FGF14: variants seen among roughly 807,000 people sequenced by gnomAD.
FGF14 encodes fibroblast growth factor homologous factor 4.
In FGF14, 5 loss-of-function variants were observed where a neutral mutation model predicts 25.5. The ratio of observed to expected loss-of-function variants is 0.20; its 90% CI spans 0.10 to 0.41. FGF14 has a LOEUF of 0.41. Ranked by LOEUF, FGF14 falls within the 10% of genes least tolerant of loss-of-function variation. The pLI is 1.00. For synonymous variants in FGF14, 138 were observed against 118.3 expected (o/e 1.17, Z -1.08); for missense variants, 222 against 320.1 (o/e 0.69, Z 2.34).
chr13:101,742,297 C>T (rs901742227), intron 3 of FGF14, among the ~76,000 whole-genome samples: 1 of 152,102 alleles, frequency 6.6e-6, no homozygotes, highest in African/African-American at 2.4e-5. Context: ...CAAACCTGCA[C>T]GTTCTGCACA....
intron 3 of FGF14, among the ~76,000 whole-genome samples, chr13:101,758,451 T>G (rs2037797631): frequency 6.6e-6 from 1 of 152,160 alleles, no homozygotes; most frequent in Non-Finnish European, 1.5e-5. Context: ...CAAATATGGC[T>G]TTTGCTAGCA....
At chr13:102,004,578 A>G (rs1237970845) in intron 1 of FGF14, among the ~76,000 whole-genome samples, 2 of 152,176 alleles carry the variant, frequency 1.3e-5, no homozygotes, top group Non-Finnish European at 2.9e-5. Flanking sequence ...GCACCAATGA[A>G]CCTGATTACT....
chr13:101,813,885 CA>C (rs1161714375), intron 3 of FGF14, among the ~76,000 whole-genome samples: 1 of 152,046 alleles, frequency 6.6e-6, no homozygotes, highest in Admixed American at 6.5e-5. Context: ...TTCGAGGAAC[CA>C]AAACAATCAT....
intron 3 of FGF14, among the ~76,000 whole-genome samples, chr13:101,744,920 T>G (rs1332290882): frequency 6.6e-6 from 1 of 152,030 alleles, no homozygotes; most frequent in Non-Finnish European, 1.5e-5. Flanking sequence ...CTCAAAGACC[T>G]TATATTTCAG....
intron 1 of FGF14, among the ~76,000 whole-genome samples, chr13:102,175,003 A>G (rs778118407): frequency 1.4e-4 from 22 of 152,200 alleles, no homozygotes; most frequent in Non-Finnish European, 1.6e-4. Flanking sequence ...GGAAGAATCA[A>G]TATTGTTAAA....
chr13:102,118,745 T>C (rs1186718628), intron 1 of FGF14, among the ~76,000 whole-genome samples: 1 of 152,050 alleles, frequency 6.6e-6, no homozygotes, highest in Non-Finnish European at 1.5e-5. Flanking sequence ...ATACATACAA[T>C]TTTATGTCAC....
intron 1 of FGF14, among the ~76,000 whole-genome samples, chr13:102,091,867 T>A (rs1300947591): frequency 6.6e-6 from 1 of 152,206 alleles, no homozygotes; most frequent in Non-Finnish European, 1.5e-5. Flanking sequence ...ATCTTCTCTG[T>A]TCAAATAGCT....
chr13:102,086,390 C>T (rs1014523930), intron 1 of FGF14, among the ~76,000 whole-genome samples: 5 of 151,866 alleles, frequency 3.3e-5, no homozygotes, highest in Non-Finnish European at 7.4e-5. Flanking sequence ...ATTAGCCGGG[C>T]GTGGTGGCGG....
At chr13:102,401,865 A>G, upstream of FGF14, 2 of 624,296 alleles carry the variant, frequency 3.2e-6, no homozygotes, top group South Asian at 3.8e-5. Context: ...CAAACAGAAA[A>G]GCAAAGAGAT....
intron 1 of FGF14, among the ~76,000 whole-genome samples, chr13:102,368,688 A>G (rs970228514): frequency 2.6e-5 from 4 of 152,204 alleles, no homozygotes; most frequent in Non-Finnish European, 5.9e-5. Flanking sequence ...TAATGCCATG[A>G]TTTCATTTCA....
At chr13:102,370,858 G>A (rs1411482804) in intron 1 of FGF14, among the ~76,000 whole-genome samples, 1 of 151,462 alleles carries the variant, frequency 6.6e-6, no homozygotes, top group African/African-American at 2.4e-5. Context: ...ATGACCTTAA[G>A]GCCTTAAGGA....
rs1016371618 is a variant in FGF14, at chr13:102,357,049, G to A, written c.208+44422C>T. ...ACTATTGCTAGGAAGTGGTGGAGGAGCAGGGACTAGTGTACATTCTAAATC... is the reference window on the plus strand; with the variant it reads ...ACTATTGCTAGGAAGTGGTGGAGGAACAGGGACTAGTGTACATTCTAAATC... On this transcript the variant is annotated intron_variant, in intron 1 of 4. Coordinates refer to the FGF14 transcript ENST00000376131. Among the ~76,000 whole-genome samples, 13 of 151,234 alleles carry A rather than the reference G, an allele frequency of 8.6e-5. 1 individual carries two copies. The highest frequency in any genetic ancestry group is 2.9e-4 in the African/African-American group (12 of 41,188).
In FGF14 at chr13:101,991,013, T is replaced by TGGAGC. The variant is rs2038871228; in HGVS notation, c.209-115718_209-115717insGCTCC. 3.3e-5 allele frequency among the ~76,000 whole-genome samples: 5 copies of TGGAGC among 152,244 alleles called. No homozygotes were observed. In the South Asian group the frequency reaches 1.0e-3, roughly 32 times the overall value. On this transcript the variant is annotated intron_variant, in intron 1 of 4. Transcript: ENST00000376131. Reference sequence around the variant, plus strand: ...TCCTATTTATACTAATGGAGCACATTACTTTTTAACCTTGGAGCACAATGG... The same window carrying TGGAGC: ...TCCTATTTATACTAATGGAGCACATTGGAGCACTTTTTAACCTTGGAGCACAATGG...
At chr13:102,059,346 C>A (rs2042573638) in intron 1 of FGF14, among the ~76,000 whole-genome samples, 1 of 152,180 alleles carries the variant, frequency 6.6e-6, no homozygotes, top group South Asian at 2.1e-4. Context: ...ACAGAGGACT[C>A]ACTCTCACAA....
intron 1 of FGF14, among the ~76,000 whole-genome samples, chr13:101,949,990 G>GTTTTCT (rs1037223566): frequency 1.3e-5 from 2 of 152,086 alleles, no homozygotes; most frequent in African/African-American, 4.8e-5. Flanking sequence ...GATGAGGCAA[G>GTTTTCT]TTTTCTTTTT....
chr13:102,242,202 T>C (rs1196409714), intron 1 of FGF14, among the ~76,000 whole-genome samples: 2 of 152,154 alleles, frequency 1.3e-5, no homozygotes, highest in East Asian at 3.9e-4. Context: ...ACTCCCTCTT[T>C]CTTGAATATT....
At chr13:101,968,148 G>C (rs1472472991) in intron 1 of FGF14, among the ~76,000 whole-genome samples, 1 of 152,186 alleles carries the variant, frequency 6.6e-6, no homozygotes, top group African/African-American at 2.4e-5. Flanking sequence ...TCAAATGAGT[G>C]AAAGTGCAGT....
At chr13:101,904,859 T>G (rs562336944) in intron 1 of FGF14, among the ~76,000 whole-genome samples, 1 of 152,358 alleles carries the variant, frequency 6.6e-6, no homozygotes, top group South Asian at 2.1e-4. Context: ...AAACCTTTGC[T>G]CATGAGTGCC....
chr13:101,877,597 T>C (rs1377886653), intron 1 of FGF14, among the ~76,000 whole-genome samples: 1 of 152,166 alleles, frequency 6.6e-6, no homozygotes, highest in Non-Finnish European at 1.5e-5. Flanking sequence ...ATAATTGAAC[T>C]AAAATGTCTT....
Sources: gnomAD v4.1 joint callset for allele counts (sites outside exome capture counted in the v4.1 genomes callset) on GRCh38, gnomAD v4.1.1 for gene constraint, MANE v1.5 for transcripts, NCBI Gene and HGNC (gene_info 2026-07-23, HGNC 2026-07-21) for gene names.